The following CCDC146 variants were observed in gnomAD, a reference collection of about 807,000 sequenced individuals.
CCDC146 encodes coiled-coil domain containing 146.
In CCDC146, 92 loss-of-function variants were observed where a neutral mutation model predicts 119.3. That is an observed-to-expected ratio of 0.77 (90% CI 0.65 to 0.92). CCDC146 has a LOEUF of 0.92. CCDC146 is among the 40% of genes least tolerant of loss of function. The pLI is 0.00. For missense variants in CCDC146, 1,000 were observed against 1,103.0 expected, an observed-to-expected ratio of 0.91 and a Z score of 1.32; for synonymous variants, 372 against 371.8, an observed-to-expected ratio of 1.00 and a Z score of -0.01.
In CCDC146 at chr7:77,293,768, TGACCTG is replaced by T. The variant is rs1332027313; in HGVS notation, c.2664+569_2664+574del. ...ATAGCAGATCTTCTGTCTACCCCCATGACCTGTCAGTATTCTTAGACTGGAATTAGG... is the reference window on the plus strand; with the variant it reads ...ATAGCAGATCTTCTGTCTACCCCCATTCAGTATTCTTAGACTGGAATTAGG... On this transcript the variant is annotated intron_variant, in intron 18 of 18. Transcript: ENST00000285871. 5.3e-5 allele frequency among the ~76,000 whole-genome samples: 8 copies of T among 152,338 alleles called. No individual in the cohort carries two copies. The East Asian group carries it at 1.2e-3, about 22-fold the overall frequency.
In CCDC146 at chr7:77,245,292, A is replaced by C. The variant is rs866626785; in HGVS notation, c.449+3392A>C. Reference sequence around the variant, plus strand: ...ATAATAAAGTAATTAAATACAGTTGAGCTTACTTTTTGAAACAAAACAGGA... The same window carrying C: ...ATAATAAAGTAATTAAATACAGTTGCGCTTACTTTTTGAAACAAAACAGGA... On this transcript the variant is annotated intron_variant, in intron 4 of 18. Transcript: ENST00000285871. Among the ~76,000 whole-genome samples, 9 of 152,348 alleles carry C rather than the reference A, an allele frequency of 5.9e-5. No homozygotes were observed. In the South Asian group the frequency reaches 8.3e-4, roughly 14 times the overall value.
Position 77,130,265 on chromosome 7 carries a change from G to A in CCDC146, c.-12+7533G>A, listed in dbSNP as rs1321295525. Among the ~76,000 whole-genome samples, 3 of 152,014 alleles carry A rather than the reference G, an allele frequency of 2.0e-5. No homozygotes were observed. In the East Asian group the frequency reaches 5.8e-4, roughly 29 times the overall value. On this transcript the variant is annotated intron_variant, in intron 1 of 18. Transcript: ENST00000285871. ...ATATAGGGTACTATCCACAGTTTGA[G>A]GCATCCACTGGAGGTCTTATAAACG...
At chr7:77,164,068 T>A (rs917365536) in intron 1 of CCDC146, among the ~76,000 whole-genome samples, 1 of 151,814 alleles carries the variant, frequency 6.6e-6, no homozygotes, top group Non-Finnish European at 1.5e-5. Context: ...TCACCATGTT[T>A]GCCAGGCTAG....
Position 77,247,255 on chromosome 7 carries a change from T to A in CCDC146, c.449+5355T>A, listed in dbSNP as rs1792970228. On this transcript the variant is annotated intron_variant, in intron 4 of 18. Transcript: ENST00000285871. Reference sequence around the variant, plus strand: ...AGTTTTAAATGTCCTAAAGAATTAGTCATTTTATGTTTGTTTAAACATAAA... The same window carrying A: ...AGTTTTAAATGTCCTAAAGAATTAGACATTTTATGTTTGTTTAAACATAAA... Among the ~76,000 whole-genome samples, 3 of 152,342 alleles carry A rather than the reference T, an allele frequency of 2.0e-5. No individual in the cohort carries two copies. In the South Asian group the frequency reaches 6.2e-4, roughly 32 times the overall value.
At chr7:77,220,504 A>G (rs1320143193) in intron 2 of CCDC146, among the ~76,000 whole-genome samples, 1 of 152,226 alleles carries the variant, frequency 6.6e-6, no homozygotes, top group African/African-American at 2.4e-5. Flanking sequence ...AAGTAAAGAC[A>G]GGCATAGGAA....
intron 17 of CCDC146, among the ~76,000 whole-genome samples, chr7:77,292,616 CAA>C (rs61250624): frequency 0.12 from 11,146 of 89,902 alleles, 595 homozygotes; most frequent in Non-Finnish European, 0.18. Context: ...GACTCAGTCT[CAA>C]AAAAAAAAAA....
chr7:77,152,536 G>A (rs1225981294), intron 1 of CCDC146, among the ~76,000 whole-genome samples: 1 of 152,184 alleles, frequency 6.6e-6, no homozygotes, highest in Non-Finnish European at 1.5e-5. Context: ...ACTTAGAGTT[G>A]ACTTGTATTC....
At chr7:77,257,006 T>C (rs1483728778) in intron 6 of CCDC146, among the ~76,000 whole-genome samples, 2 of 152,118 alleles carry the variant, frequency 1.3e-5, no homozygotes, top group Admixed American at 1.3e-4. Context: ...CTTGGGAGGC[T>C]GAGGCAGGAG....
At position 77,130,627 on chromosome 7, in the gene CCDC146, T is replaced by A. The variant is rs1157780877; in HGVS notation, c.-12+7895T>A. Among the ~76,000 whole-genome samples, 3 of 148,010 alleles carry A rather than the reference T, an allele frequency of 2.0e-5. No homozygotes were observed. In the East Asian group the frequency reaches 5.9e-4, roughly 29 times the overall value. ...TTTTTTTTTTTTTTTGAGACGGAGT[T>A]TCGCTCTGTCGCCCAGGCTGGAGTG... On this transcript the variant is annotated intron_variant, in intron 1 of 18. Transcript: ENST00000285871.
intron 5 of CCDC146, among the ~76,000 whole-genome samples, chr7:77,255,862 G>A (rs1793168286): frequency 6.6e-6 from 1 of 152,206 alleles, no homozygotes; most frequent in Admixed American, 6.5e-5. Flanking sequence ...GGAGTGCAAA[G>A]TGTTGGGTAT....
At chr7:77,202,642 G>A (rs1792013640) in intron 2 of CCDC146, among the ~76,000 whole-genome samples, 2 of 152,188 alleles carry the variant, frequency 1.3e-5, no homozygotes, top group South Asian at 4.1e-4. Context: ...GCCACTGACT[G>A]GAAGGCAGAT....
intron 2 of CCDC146, among the ~76,000 whole-genome samples, chr7:77,227,929 T>G (rs1792545990): frequency 1.3e-5 from 2 of 152,386 alleles, no homozygotes; most frequent in Admixed American, 1.3e-4. Context: ...CTTCTGGATC[T>G]CTATATATTC....
chr7:77,273,271 C>A (rs973912652), intron 9 of CCDC146, among the ~76,000 whole-genome samples: 3 of 152,170 alleles, frequency 2.0e-5, no homozygotes, highest in Admixed American at 1.3e-4. Flanking sequence ...GCATTTAGAA[C>A]CTTGCTGGAC....
chr7:77,225,066 T>G (rs767725631), intron 2 of CCDC146, among the ~76,000 whole-genome samples: 4 of 152,122 alleles, frequency 2.6e-5, no homozygotes, highest in Non-Finnish European at 5.9e-5. Context: ...ATGAGAGAGA[T>G]GAGCAAATTT....
At chr7:77,184,892 T>A (rs904102166) in intron 2 of CCDC146, among the ~76,000 whole-genome samples, 1 of 152,192 alleles carries the variant, frequency 6.6e-6, no homozygotes, top group African/African-American at 2.4e-5. Context: ...TGTTTTACCT[T>A]AAGCTGAGAT....
At chr7:77,152,586 C>G (rs1204098575) in intron 1 of CCDC146, among the ~76,000 whole-genome samples, 2 of 152,136 alleles carry the variant, frequency 1.3e-5, no homozygotes, top group Non-Finnish European at 2.9e-5. Flanking sequence ...TCCCTTTCCC[C>G]TGATCCAATA....
At chr7:77,279,398 T>G (rs1461161592) in intron 13 of CCDC146, among the ~76,000 whole-genome samples, 6 of 152,214 alleles carry the variant, frequency 3.9e-5, no homozygotes, top group African/African-American at 1.4e-4. Flanking sequence ...TTGGGAGTCA[T>G]TTTTTTAATG....
At chr7:77,198,806 A>G in intron 2 of CCDC146, 1 of 246,738 alleles carries the variant, frequency 4.1e-6, no homozygotes, top group Non-Finnish European at 7.7e-6. Context: ...ACTGATTTCC[A>G]ACAAACAAGG....
At chr7:77,167,924 A>G (rs1327831833) in intron 2 of CCDC146, 100 bp downstream of exon 2, 4 of 1,459,858 alleles carry the variant, frequency 2.7e-6, no homozygotes, top group African/African-American at 1.4e-5. Context: ...TTTATTACAT[A>G]TATCCTGTAG....
Sources: gnomAD v4.1 joint callset for allele counts (sites outside exome capture counted in the v4.1 genomes callset) on GRCh38, gnomAD v4.1.1 for gene constraint, MANE v1.5 for transcripts, NCBI Gene and HGNC (gene_info 2026-07-23, HGNC 2026-07-21) for gene names.